The following MRPL3 variants were observed in gnomAD, a reference collection of about 807,000 sequenced individuals.
MRPL3 encodes the protein large ribosomal subunit protein uL3m.
Under a neutral mutation model 44.3 loss-of-function variants are expected in MRPL3, and 43 were observed. That is an observed-to-expected ratio of 0.97 (90% CI 0.76 to 1.25). The LOEUF is 1.25. MRPL3 is among the 50% of genes most tolerant of loss of function. The pLI is 0.00. For synonymous variants in MRPL3, 171 were observed against 152.3 expected (o/e 1.12, Z -0.91); for missense variants, 406 against 427.6 (o/e 0.95, Z 0.45).
chr3:131,499,731 T>TAAG (rs1270479014), intron 3 of MRPL3, among the ~76,000 whole-genome samples: 1 of 150,332 alleles, frequency 6.7e-6, no homozygotes, highest in African/African-American at 2.5e-5. Context: ...TATCTTTCTA[T>TAAG]AATAATAATA....
intron 4 of MRPL3, among the ~76,000 whole-genome samples, chr3:131,494,935 T>A (rs1328326255): frequency 1.3e-5 from 2 of 152,184 alleles, no homozygotes; most frequent in Admixed American, 6.5e-5. Flanking sequence ...TCTGCAATTA[T>A]CCTTCCCACA....
intron 4 of MRPL3, among the ~76,000 whole-genome samples, chr3:131,490,309 T>C (rs1271014570): frequency 2.0e-5 from 3 of 152,154 alleles, no homozygotes; most frequent in African/African-American, 4.8e-5. Context: ...ATCATGTACA[T>C]AGTGTTCAAA....
rs998828443 is a variant in MRPL3, at chr3:131,471,223, G to C, written c.686C>G (p.Ala229Gly). 3.1e-6 allele frequency: 5 copies of C among 1,613,436 alleles called. No homozygotes were observed. Among genetic ancestry groups the C allele is most frequent in the Non-Finnish European group, 2.5e-6 (3 of 1,179,544 alleles). ...MKRWGFKGQP[A>G]THGQTKTHRR... The stretch of plus-strand genomic sequence containing the variant: ...GTGGGTTTTCGTTTGACCATGCGTA[G>C]CAGGCTGGCCTTTAAATCCCCATCT... The change falls in exon 7 of 10, where the codon GCT becomes GGT. Residue 229 changes from alanine (A) to glycine (G), a missense_variant. Transcript: ENST00000264995.
chr3:131,484,957 A>T (rs1934083938), intron 6 of MRPL3, among the ~76,000 whole-genome samples: 1 of 152,160 alleles, frequency 6.6e-6, no homozygotes, highest in South Asian at 2.1e-4. Flanking sequence ...AGTTAAACAG[A>T]ATATTGTATT....
At chr3:131,485,274 A>G (rs1345951550) in intron 6 of MRPL3, among the ~76,000 whole-genome samples, 4 of 152,220 alleles carry the variant, frequency 2.6e-5, no homozygotes, top group African/African-American at 9.6e-5. Context: ...CACTGAAGAT[A>G]GGCATTTGAA....
intron 6 of MRPL3, among the ~76,000 whole-genome samples, chr3:131,480,881 CAG>C (rs1328094586): frequency 6.6e-6 from 1 of 152,236 alleles, no homozygotes; most frequent in African/African-American, 2.4e-5. Context: ...TTTTTGGAAA[CAG>C]ATTTTTAGAA....
rs999321767 is a variant in MRPL3 at position 131,476,036 on chromosome 3, G to C, written c.630-4757C>G. Among the ~76,000 whole-genome samples the C allele has an allele frequency of 5.3e-5, 8 of 152,164 alleles. No individual in the cohort carries two copies. The South Asian group carries it at 8.3e-4, about 16-fold the overall frequency. On this transcript the variant is annotated intron_variant, in intron 6 of 9. Transcript: ENST00000264995. ...ACTGATGATCTCTTACTTAAAAAGA[G>C]AGCATGAGTGCATGCACCAGTAGAA... is the stretch of plus-strand genomic sequence containing the variant.
chr3:131,463,518 T>G (rs1042491958), intron 9 of MRPL3, among the ~76,000 whole-genome samples: 1 of 152,170 alleles, frequency 6.6e-6, no homozygotes, highest in Admixed American at 6.5e-5. Context: ...ATGGCCTTAG[T>G]GCATTTTTCT....
At chr3:131,495,896 T>C (rs1934361329) in intron 4 of MRPL3, among the ~76,000 whole-genome samples, 2 of 152,304 alleles carry the variant, frequency 1.3e-5, no homozygotes, top group East Asian at 1.9e-4. Context: ...TACTATTCCT[T>C]GTTTTTATGG....
intron 6 of MRPL3, among the ~76,000 whole-genome samples, chr3:131,485,467 T>C (rs940472225): frequency 6.6e-6 from 1 of 152,226 alleles, no homozygotes; most frequent in Non-Finnish European, 1.5e-5. Flanking sequence ...ATGCAATAAT[T>C]CAAAAATTAA....
intron 4 of MRPL3, among the ~76,000 whole-genome samples, chr3:131,490,783 G>A (rs1322389323): frequency 2.0e-5 from 3 of 152,224 alleles, no homozygotes; most frequent in Non-Finnish European, 4.4e-5. Context: ...TCTGGAAAAT[G>A]CCAACGGCAA....
chr3:131,487,004 A>G (rs1424004766), intron 6 of MRPL3: 2 of 152,168 alleles, frequency 1.3e-5, no homozygotes, highest in African/African-American at 4.8e-5. Flanking sequence ...ACATGCACAC[A>G]TATGTTTATT....
rs940913788 is a variant in MRPL3, at chr3:131,468,709, G to T, written c.817-541C>A. On this transcript the variant is annotated intron_variant, in intron 8 of 9. Transcript: ENST00000264995. ...TGACCCATGGCTCCTATCTAATAAT[G>T]AATAAGTATTAAATATTACAAAAAT... Among the ~76,000 whole-genome samples, 6 of 152,028 alleles carry T rather than the reference G, an allele frequency of 3.9e-5. No individual in the cohort carries two copies. The East Asian group carries it at 1.2e-3, about 29-fold the overall frequency.
At chr3:131,481,813 A>C (rs894845079) in intron 6 of MRPL3, among the ~76,000 whole-genome samples, 1 of 152,244 alleles carries the variant, frequency 6.6e-6, no homozygotes, top group African/African-American at 2.4e-5. Context: ...ATACGTTAAA[A>C]ACGTACTGCT....
At chr3:131,502,675 A>G (rs1486154363) in intron 1 of MRPL3, 55 bp downstream of exon 1, 10 of 1,484,876 alleles carry the variant, frequency 6.7e-6, no homozygotes, top group Non-Finnish European at 9.2e-7. Flanking sequence ...GCACCAGGCC[A>G]TTCCACTGCT....
chr3:131,471,121 G>T, intron 7 of MRPL3, 50 bp downstream of exon 7: 1 of 1,282,604 alleles, frequency 7.8e-7, no homozygotes, highest in Non-Finnish European at 1.1e-6. Flanking sequence ...GACTACATGT[G>T]CAGAAGTTGA....
chr3:131,482,581 C>A (rs1349802845), intron 6 of MRPL3, among the ~76,000 whole-genome samples: 1 of 151,472 alleles, frequency 6.6e-6, no homozygotes. Flanking sequence ...TGTTTTGAGA[C>A]CAAAGGGTAA....
At chr3:131,486,830 T>C (rs562268714) in intron 6 of MRPL3, among the ~76,000 whole-genome samples, 1 of 152,192 alleles carries the variant, frequency 6.6e-6, no homozygotes, top group South Asian at 2.1e-4. Flanking sequence ...TGTGGAGAAA[T>C]ACAAACGCTT....
chr3:131,479,492 TG>T (rs1223146372), intron 6 of MRPL3, among the ~76,000 whole-genome samples: 1 of 152,308 alleles, frequency 6.6e-6, no homozygotes, highest in African/African-American at 2.4e-5. Context: ...GAGATTCACC[TG>T]GGTTTCTAGC....
Sources: allele counts gnomAD v4.1 joint callset (sites outside exome capture counted in the v4.1 genomes callset), GRCh38; gene constraint gnomAD v4.1.1; transcripts MANE v1.5; gene names NCBI Gene and HGNC (gene_info 2026-07-23, HGNC 2026-07-21).